SAMD3: variants seen among roughly 807,000 people sequenced by gnomAD.
SAMD3 encodes sterile alpha motif domain-containing protein 3.
Under a neutral mutation model 58.5 loss-of-function variants are expected in SAMD3, and 63 were observed. The observed-to-expected ratio is 1.08, with a 90% CI of 0.88 to 1.33. The LOEUF (loss-of-function observed/expected upper bound fraction) is 1.33, where lower values mean the gene tolerates loss of function less well. Among genes scored for constraint, SAMD3 ranks in the 40% most tolerant of loss-of-function variants. SAMD3 has a pLI of 0.00. For synonymous variants in SAMD3, 220 were observed against 210.3 expected, an observed-to-expected ratio of 1.05 and a Z score of -0.40; for missense variants, 604 against 608.4, an observed-to-expected ratio of 0.99 and a Z score of 0.08.
chr6:130,275,850 T>G (rs1461794003), intron 2 of SAMD3, among the ~76,000 whole-genome samples: 1 of 152,160 alleles, frequency 6.6e-6, no homozygotes, highest in Non-Finnish European at 1.5e-5. Flanking sequence ...CCCCTCTAAC[T>G]CTTTGATTAT....
intron 8 of SAMD3, among the ~76,000 whole-genome samples, chr6:130,168,209 G>A (rs985588447): frequency 1.2e-4 from 19 of 152,090 alleles, no homozygotes; most frequent in Non-Finnish European, 7.4e-5. Context: ...CAAGGTGGGC[G>A]GATCACCTGA....
intron 2 of SAMD3, among the ~76,000 whole-genome samples, chr6:130,237,236 C>T (rs1773188518): frequency 6.6e-6 from 1 of 152,116 alleles, no homozygotes; most frequent in South Asian, 2.1e-4. Context: ...TTCTGTTTCA[C>T]AAGAAATATG....
At position 130,323,840 on chromosome 6, in the gene SAMD3, A is replaced by C. The variant is rs372380148; in HGVS notation, c.-303-10747T>G. ...AAAAAAAAAAAGAATTTCCCATCCA[A>C]TCAGGTTCTAAGGGAAAAGGGCAGA... On this transcript the variant is annotated intron_variant, in intron 1 of 13. Transcript: ENST00000368134. 2.7e-5 allele frequency among the ~76,000 whole-genome samples: 4 copies of C among 146,556 alleles called. No individual in the cohort carries two copies. In the East Asian group the frequency reaches 8.0e-4, roughly 29 times the overall value.
intron 8 of SAMD3, among the ~76,000 whole-genome samples, chr6:130,156,127 C>T (rs1003261879): frequency 1.3e-5 from 2 of 151,934 alleles, no homozygotes; most frequent in African/African-American, 4.8e-5. Context: ...TCACCTAAAG[C>T]CAGGAGTTCA....
intron 8 of SAMD3, among the ~76,000 whole-genome samples, chr6:130,168,208 C>A (rs543168772): frequency 6.6e-6 from 1 of 152,036 alleles, no homozygotes; most frequent in Non-Finnish European, 1.5e-5. Context: ...CCAAGGTGGG[C>A]GGATCACCTG....
intron 1 of SAMD3, among the ~76,000 whole-genome samples, chr6:130,316,772 A>G (rs953693909): frequency 2.6e-5 from 4 of 152,184 alleles, no homozygotes; most frequent in African/African-American, 4.8e-5. Flanking sequence ...TCATAATGGG[A>G]TCAAATAAAA....
chr6:130,360,946 T>C (rs1421825442), intron 1 of SAMD3, among the ~76,000 whole-genome samples: 1 of 152,206 alleles, frequency 6.6e-6, no homozygotes, highest in Non-Finnish European at 1.5e-5. Flanking sequence ...CCCGGCTCAC[T>C]GGAGGTCAGA....
At chr6:130,318,629 A>G (rs1776474446) in intron 1 of SAMD3, among the ~76,000 whole-genome samples, 1 of 152,088 alleles carries the variant, frequency 6.6e-6, no homozygotes, top group African/African-American at 2.4e-5. Context: ...GGGTTTCACT[A>G]TGTTGGCTAG....
At chr6:130,169,011 G>C (rs1331244932) in intron 8 of SAMD3, among the ~76,000 whole-genome samples, 1 of 152,008 alleles carries the variant, frequency 6.6e-6, no homozygotes, top group East Asian at 1.9e-4. Context: ...TCACTATGTT[G>C]CCCAGGCTGG....
At chr6:130,223,107 C>T (rs1460894862), upstream of SAMD3, among the ~76,000 whole-genome samples, 9 of 152,190 alleles carry the variant, frequency 5.9e-5, no homozygotes, top group East Asian at 1.3e-3. Context: ...ATCTTTGGAA[C>T]ATTTAATTCT....
intron 1 of SAMD3, among the ~76,000 whole-genome samples, chr6:130,346,733 G>T (rs1777465677): frequency 6.6e-6 from 1 of 152,178 alleles, no homozygotes; most frequent in Non-Finnish European, 1.5e-5. Flanking sequence ...AGAGACTAGT[G>T]GTTCTCCCAG....
chr6:130,270,744 T>G (rs1245843200), intron 2 of SAMD3, among the ~76,000 whole-genome samples: 1 of 152,212 alleles, frequency 6.6e-6, no homozygotes, highest in Non-Finnish European at 1.5e-5. Context: ...AAATATCCCA[T>G]TGTATGAATA....
At chr6:130,158,099 G>A (rs1344402102) in intron 8 of SAMD3, among the ~76,000 whole-genome samples, 2 of 152,160 alleles carry the variant, frequency 1.3e-5, no homozygotes, top group Non-Finnish European at 2.9e-5. Flanking sequence ...CAGCTAGCAA[G>A]ATTCAATATT....
upstream of SAMD3, among the ~76,000 whole-genome samples, chr6:130,223,279 C>A (rs959840488): frequency 6.6e-6 from 1 of 152,180 alleles, no homozygotes; most frequent in Non-Finnish European, 1.5e-5. Flanking sequence ...GTTCTAGTGT[C>A]TTGAGGCTTC....
chr6:130,181,990 A>G (rs540013445), intron 7 of SAMD3, among the ~76,000 whole-genome samples: 1 of 150,500 alleles, frequency 6.6e-6, no homozygotes, highest in African/African-American at 2.4e-5. Context: ...GCGTGAACCC[A>G]TGAGGCGGAG....
intron 2 of SAMD3, among the ~76,000 whole-genome samples, chr6:130,276,192 A>G (rs982821001): frequency 1.3e-5 from 2 of 152,192 alleles, no homozygotes; most frequent in Admixed American, 1.3e-4. Context: ...GAGAAAAAGT[A>G]AGGAAACAGA....
At chr6:130,313,544 T>C (rs2037019) in intron 1 of SAMD3, among the ~76,000 whole-genome samples, 19,602 of 152,268 alleles carry the variant, frequency 0.13, 1,681 homozygotes, top group East Asian at 0.36. Flanking sequence ...GAAAAGGGAC[T>C]TGAGACTCAC....
At chr6:130,336,793 C>G (rs937018323) in intron 1 of SAMD3, among the ~76,000 whole-genome samples, 1 of 152,122 alleles carries the variant, frequency 6.6e-6, no homozygotes, top group Non-Finnish European at 1.5e-5. Flanking sequence ...CTTTTTCAAC[C>G]CTTCCATTCA....
At chr6:130,258,752 T>C (rs1422953655) in intron 2 of SAMD3, among the ~76,000 whole-genome samples, 3 of 152,306 alleles carry the variant, frequency 2.0e-5, no homozygotes, top group African/African-American at 7.2e-5. Flanking sequence ...AATATACTTT[T>C]AGAATTTTAT....
Sources: gnomAD v4.1 joint callset for allele counts (sites outside exome capture counted in the v4.1 genomes callset) on GRCh38, gnomAD v4.1.1 for gene constraint, MANE v1.5 for transcripts, NCBI Gene and HGNC (gene_info 2026-07-23, HGNC 2026-07-21) for gene names.